The following MYT1L variants were observed in gnomAD, a reference collection of about 807,000 sequenced individuals.
The protein encoded by MYT1L is myelin transcription factor 1-like protein.
A neutral mutation model predicts 126.7 loss-of-function variants in MYT1L; 12 were observed. The ratio of observed to expected loss-of-function variants is 0.09; its 90% CI spans 0.06 to 0.15. The LOEUF is 0.15. Among genes scored for constraint, MYT1L ranks in the 10% least tolerant of loss-of-function variants. The probability of loss-of-function intolerance (pLI) is 1.00; values close to 1 mark genes in which losing one functional copy is unlikely to be tolerated. For missense variants in MYT1L, 979 were observed against 1,585.2 expected, an observed-to-expected ratio of 0.62 and a Z score of 6.49; for synonymous variants, 541 against 604.2, an observed-to-expected ratio of 0.90 and a Z score of 1.53.
chr2:2,203,383 G>GCCCCAAAC (rs1403355074), intron 2 of MYT1L, among the ~76,000 whole-genome samples: 1 of 127,882 alleles, frequency 7.8e-6, no homozygotes, highest in African/African-American at 3.2e-5. Context: ...CATCGTCTCA[G>GCCCCAAAC]CTCCTTAAGC....
At position 2,201,409 on chromosome 2, in the gene MYT1L, A is replaced by G. The variant is rs78031554; in HGVS notation, c.-420-28421T>C. Among the ~76,000 whole-genome samples the G allele has an allele frequency of 3.3e-4, 50 of 152,272 alleles. No individual in the cohort carries two copies. The East Asian group carries it at 8.3e-3, about 25-fold the overall frequency. On this transcript the variant is annotated intron_variant, in intron 2 of 24. Coordinates refer to ENST00000647738, the MANE Select transcript of MYT1L (RefSeq NM_001303052.2). Reference sequence around the variant, plus strand: ...TTAATGGTTAGGTTCTTTAAAAATCATAAGTGTTGGCCGGGTGCGGTGGCT... The same window carrying G: ...TTAATGGTTAGGTTCTTTAAAAATCGTAAGTGTTGGCCGGGTGCGGTGGCT...
At chr2:2,080,247 G>T (rs2075673091) in intron 3 of MYT1L, among the ~76,000 whole-genome samples, 1 of 152,070 alleles carries the variant, frequency 6.6e-6, no homozygotes, top group African/African-American at 2.4e-5. Flanking sequence ...AAGTCTTTGT[G>T]TCCTTGGGTT....
In MYT1L at chr2:1,793,016, G is replaced by A. The variant is rs192470546; in HGVS notation, c.3277-552C>T. Among the ~76,000 whole-genome samples the A allele has an allele frequency of 1.9e-3, 288 of 152,232 alleles. No homozygotes were observed. The highest frequency in any genetic ancestry group is 6.6e-3 in the African/African-American group (274 of 41,538). ...CCTGCGCGATCCTGTTCTCTCAGCC[G>A]GCCTGATGGGACTGCAGTGTGTAGG... On this transcript the variant is annotated intron_variant, in intron 23 of 24. Transcript: ENST00000647738. The surrounding 1 kb of genome is among the most constrained non-coding windows in gnomAD (Gnocchi z 4.6).
At chr2:2,122,870 T>A (rs200596299) in intron 3 of MYT1L, among the ~76,000 whole-genome samples, 366 of 126,446 alleles carry the variant, frequency 2.9e-3, no homozygotes, top group African/African-American at 9.9e-3. Context: ...TGTGTGTGTG[T>A]GTGAGAGAGA....
intron 2 of MYT1L, among the ~76,000 whole-genome samples, chr2:2,195,322 C>G (rs1436822750): frequency 6.6e-6 from 1 of 152,144 alleles, no homozygotes; most frequent in African/African-American, 2.4e-5. Context: ...CAGTTGGGAT[C>G]CCATAGGATT....
At chr2:1,841,162 C>CTTTT in intron 19 of MYT1L, 4 of 86,406 alleles carry the variant, frequency 4.6e-5, no homozygotes, top group Admixed American at 1.3e-4. Context: ...ACCTCGGCCT[C>CTTTT]TTTTTTTTTT....
chr2:1,949,028 C>T (rs1040089975), intron 8 of MYT1L, among the ~76,000 whole-genome samples: 14 of 152,090 alleles, frequency 9.2e-5, no homozygotes, highest in Non-Finnish European at 1.5e-4. Context: ...TCAAAGAAGT[C>T]GTAAATATGA....
intron 21 of MYT1L, among the ~76,000 whole-genome samples, chr2:1,815,290 A>T (rs1318615974): frequency 6.6e-6 from 1 of 152,106 alleles, no homozygotes; most frequent in South Asian, 2.1e-4. Flanking sequence ...GTTGGTGCGG[A>T]TGTCTCTGCC....
intron 4 of MYT1L, among the ~76,000 whole-genome samples, chr2:2,027,560 A>G (rs1362832319): frequency 6.6e-6 from 1 of 152,236 alleles, no homozygotes; most frequent in Non-Finnish European, 1.5e-5. Flanking sequence ...TAGCTGTCAA[A>G]TATGAATTGA....
chr2:2,127,651 C>T (rs1032483310), intron 3 of MYT1L, among the ~76,000 whole-genome samples: 6 of 152,182 alleles, frequency 3.9e-5, no homozygotes, highest in East Asian at 1.9e-4. Context: ...AAATGAACCA[C>T]GCAGCATGTG....
chr2:2,280,582 T>C (rs1464947804), intron 2 of MYT1L, among the ~76,000 whole-genome samples: 2 of 152,186 alleles, frequency 1.3e-5, no homozygotes, highest in African/African-American at 2.4e-5. Context: ...CTGCTGAGAA[T>C]GGGGATGATA....
chr2:2,117,704 C>T (rs2080402457), intron 3 of MYT1L, among the ~76,000 whole-genome samples: 1 of 152,000 alleles, frequency 6.6e-6, no homozygotes, highest in African/African-American at 2.4e-5. Context: ...ATAAGAAAAC[C>T]ATGACTGGGG....
At chr2:2,181,297 T>C (rs2091493059) in intron 2 of MYT1L, among the ~76,000 whole-genome samples, 1 of 152,140 alleles carries the variant, frequency 6.6e-6, no homozygotes, top group Non-Finnish European at 1.5e-5. Context: ...CACCTGTGTG[T>C]GTACCTATGT....
At chr2:2,051,165 GC>G (rs1327332668) in intron 4 of MYT1L, among the ~76,000 whole-genome samples, 5 of 152,132 alleles carry the variant, frequency 3.3e-5, no homozygotes, top group African/African-American at 4.8e-5. Context: ...CCAAACCTAA[GC>G]CATGGGGAGC....
intron 5 of MYT1L, among the ~76,000 whole-genome samples, chr2:1,980,603 C>T (rs1489298225): frequency 6.6e-6 from 1 of 152,060 alleles, no homozygotes; most frequent in Non-Finnish European, 1.5e-5. Context: ...TTTGTGGGAT[C>T]TTCACAACAA....
intron 3 of MYT1L, among the ~76,000 whole-genome samples, chr2:2,111,218 T>G (rs977462832): frequency 6.6e-6 from 1 of 152,128 alleles, no homozygotes; most frequent in Non-Finnish European, 1.5e-5. Flanking sequence ...CTCTAAGCTG[T>G]ACACCTCAAG....
At chr2:2,051,091 A>G (rs567558291) in intron 4 of MYT1L, among the ~76,000 whole-genome samples, 1 of 152,236 alleles carries the variant, frequency 6.6e-6, no homozygotes, top group East Asian at 1.9e-4. Context: ...AAATAGAACC[A>G]CACCCCATTC....
intron 4 of MYT1L, among the ~76,000 whole-genome samples, chr2:2,021,991 C>T (rs1345543843): frequency 6.6e-6 from 1 of 152,140 alleles, no homozygotes; most frequent in Non-Finnish European, 1.5e-5. Flanking sequence ...AGTGGCAGTT[C>T]CAAAATGTCC....
chr2:2,219,033 T>C (rs1046150017), intron 2 of MYT1L, among the ~76,000 whole-genome samples: 3 of 152,218 alleles, frequency 2.0e-5, no homozygotes, highest in African/African-American at 7.2e-5. Context: ...TAAGTTTGGC[T>C]AAAATAAGAA....
Sources: allele counts gnomAD v4.1 joint callset (sites outside exome capture counted in the v4.1 genomes callset), GRCh38; gene constraint gnomAD v4.1.1; non-coding constraint Gnocchi (gnomAD v3.1); transcripts MANE v1.5; gene names NCBI Gene and HGNC (gene_info 2026-07-23, HGNC 2026-07-21).